The following ANK2 variants were observed in gnomAD, a reference collection of about 807,000 sequenced individuals.
The protein encoded by ANK2 is ankyrin-2.
In ANK2, 83 loss-of-function variants were observed where a neutral mutation model predicts 360.5. The ratio of observed to expected loss-of-function variants is 0.23; its 90% CI spans 0.19 to 0.28. The LOEUF is 0.28. Ranked by LOEUF, ANK2 falls within the 10% of genes least tolerant of loss-of-function variation. The probability of loss-of-function intolerance (pLI) is 1.00; values close to 1 mark genes in which losing one functional copy is unlikely to be tolerated. For missense variants in ANK2, 4,201 were observed against 4,795.7 expected (o/e 0.88, Z 3.66); for synonymous variants, 1,740 against 1,759.5 (o/e 0.99, Z 0.28).
chr4:113,246,082 C>T, intron 9 of ANK2, among the ~76,000 whole-genome samples: 1 of 152,196 alleles, frequency 6.6e-6, no homozygotes, highest in East Asian at 1.9e-4. Flanking sequence ...AGGCGTGAGC[C>T]ACCACACCCG....
At position 113,225,337 on chromosome 4, in the gene ANK2, A is replaced by AT. The variant is rs545311198; in HGVS notation, c.385-6816dup. Among the ~76,000 whole-genome samples the AT allele has an allele frequency of 3.9e-5, 6 of 151,924 alleles. No homozygotes were observed. In the South Asian group the frequency reaches 8.3e-4, roughly 21 times the overall value. On this transcript the variant is annotated intron_variant, in intron 4 of 45. Transcript: ENST00000357077. The stretch of plus-strand genomic sequence containing the variant: ...ATATAGATGTATTCTGTGAATTGTC[A>AT]TTTTTTTTACTCTTGAGAGCAGGAC...
chr4:113,196,124 A>G lies in ANK2; in HGVS notation c.187-244A>G, dbSNP rs2285711. 0.17 allele frequency among the ~76,000 whole-genome samples: 26,157 copies of G among 152,214 alleles called. 2,318 individuals carry two copies. Among genetic ancestry groups the G allele is most frequent in the East Asian group, 0.26 (1,352 of 5,186 alleles). On this transcript the variant is annotated intron_variant, in intron 2 of 45. Transcript: ENST00000357077. ...AATTTAGAGATTTCTTCGTTTAAAAAAACTGTTGAAATGAAGTTGCCAAAA... is the reference window on the plus strand; with the variant it reads ...AATTTAGAGATTTCTTCGTTTAAAAGAACTGTTGAAATGAAGTTGCCAAAA...
chr4:113,283,729 G>A (rs1356051119), intron 18 of ANK2, among the ~76,000 whole-genome samples: 2 of 152,120 alleles, frequency 1.3e-5, no homozygotes, highest in Non-Finnish European at 2.9e-5. Context: ...ATTGGAAACT[G>A]TATTTATTAA....
intron 43 of ANK2, chr4:113,372,526 C>G: frequency 2.0e-6 from 3 of 1,525,648 alleles, no homozygotes; most frequent in Non-Finnish European, 2.6e-6. Context: ...TTCCATGCTT[C>G]CACCAGGAGC....
In ANK2 at chr4:113,257,970, T is replaced by C. The variant is rs969040547; in HGVS notation, c.1189-80T>C. The C allele has an allele frequency of 4.0e-6, 5 of 1,263,552 alleles. No individual in the cohort carries two copies. The African/African-American group carries it at 5.9e-5, about 15-fold the overall frequency. 78.3% of individuals were successfully genotyped at this position (1,263,552 alleles called of 1,614,324 possible). A position where few individuals can be genotyped will look rare whatever the true frequency, so the allele number is the denominator to read the frequency against. ...AACATTATGTGACGATGTAACATTA[T>C]TGCCTGCAATGTGCCAGCATGGAGT... On this transcript the variant is annotated intron_variant, in intron 11 of 45. Transcript: ENST00000357077.
intron 7 of ANK2, among the ~76,000 whole-genome samples, chr4:113,239,757 C>G (rs908300541): frequency 1.3e-5 from 2 of 151,864 alleles, no homozygotes; most frequent in Non-Finnish European, 2.9e-5. Flanking sequence ...GTTGATTTAA[C>G]CTGGTTGGTT....
At chr4:113,365,976 G>A (rs1217728359) in intron 41 of ANK2, among the ~76,000 whole-genome samples, 3 of 152,044 alleles carry the variant, frequency 2.0e-5, no homozygotes, top group African/African-American at 7.2e-5. Context: ...TACTCAATCA[G>A]GGACTCCATT....
At chr4:112,898,545 G>A (rs980215473) in intron 1 of ANK2, among the ~76,000 whole-genome samples, 1 of 152,142 alleles carries the variant, frequency 6.6e-6, no homozygotes, top group Admixed American at 6.5e-5. Context: ...TGACAGTGCT[G>A]TTGATGTGAA....
chr4:112,964,384 C>T (rs2036259635), intron 2 of ANK2, among the ~76,000 whole-genome samples: 1 of 151,414 alleles, frequency 6.6e-6, no homozygotes, highest in Admixed American at 6.6e-5. Flanking sequence ...CCATGAGTTC[C>T]ACTGTTTTGA....
At chr4:113,299,854 A>C (rs2074041416) in intron 22 of ANK2, among the ~76,000 whole-genome samples, 1 of 152,076 alleles carries the variant, frequency 6.6e-6, no homozygotes, top group Non-Finnish European at 1.5e-5. Context: ...AAACCCACCT[A>C]AGGAACCTTT....
At chr4:113,316,138 T>A (rs537603298) in intron 24 of ANK2, among the ~76,000 whole-genome samples, 1 of 152,186 alleles carries the variant, frequency 6.6e-6, no homozygotes, top group Non-Finnish European at 1.5e-5. Flanking sequence ...CTAAAACTCT[T>A]GTTGATGAAA....
In ANK2 at chr4:113,353,128, C is replaced by T; in HGVS notation, c.4510C>T (p.Leu1504Phe). 1 of 1,614,080 alleles carries T rather than the reference C, an allele frequency of 6.2e-7. No individual in the cohort carries two copies. ...TCCTGTCCTAGCAAGTCCGGACTTG[C>T]TCTCTGAAGTTTCTGAGATGAAACA... is the stretch of plus-strand genomic sequence containing the variant. ...EVPVLASPDL[L>F]SEVSEMKQDL... The change falls in exon 38 of 46, where the codon CTC becomes TTC. Residue 1504 changes from leucine (L) to phenylalanine (F), a missense_variant. Physicochemically the swap from Leu to Phe is conservative, Grantham distance 22. Transcript: ENST00000357077.
chr4:113,270,711 A>T (rs879529998), intron 14 of ANK2, among the ~76,000 whole-genome samples: 2 of 152,126 alleles, frequency 1.3e-5, no homozygotes, highest in Admixed American at 1.3e-4. Flanking sequence ...CAATATGCAT[A>T]CAAATTACCT....
intron 26 of ANK2, among the ~76,000 whole-genome samples, chr4:113,323,318 T>G: frequency 6.6e-6 from 1 of 152,204 alleles, no homozygotes; most frequent in Non-Finnish European, 1.5e-5. Flanking sequence ...CTTTAAATTG[T>G]GCCTTTTCTT....
chr4:113,284,612 A>G (rs2063683001), intron 18 of ANK2, among the ~76,000 whole-genome samples: 2 of 152,284 alleles, frequency 1.3e-5, no homozygotes, highest in Admixed American at 1.3e-4. Context: ...TTAGTTGCAC[A>G]CTCAGCAATG....
At chr4:112,994,620 T>G (rs2047931697) in intron 2 of ANK2, among the ~76,000 whole-genome samples, 1 of 152,124 alleles carries the variant, frequency 6.6e-6, no homozygotes, top group South Asian at 2.1e-4. Flanking sequence ...TCAACTTCTA[T>G]TTTAGATTCA....
chr4:113,258,010 T>A (rs2153633115), intron 11 of ANK2, 40 bp from the exon 12 acceptor site: 1 of 1,544,708 alleles, frequency 6.5e-7, no homozygotes, highest in Non-Finnish European at 9.0e-7. Context: ...TGAGAATTGT[T>A]TCTGCATGTT....
At chr4:112,734,069 C>A in the ANK2 span, among the ~76,000 whole-genome samples, 1 of 152,194 alleles carries the variant, frequency 6.6e-6, no homozygotes, top group East Asian at 1.9e-4. Context: ...GCCAACACAT[C>A]CAGCTAACAG....
At chr4:112,981,687 T>G (rs1039784078) in intron 2 of ANK2, among the ~76,000 whole-genome samples, 2 of 152,206 alleles carry the variant, frequency 1.3e-5, no homozygotes, top group African/African-American at 4.8e-5. Flanking sequence ...GTCCTTTTGC[T>G]GATATACCTA....
Sources: gnomAD v4.1 joint callset for allele counts (sites outside exome capture counted in the v4.1 genomes callset) on GRCh38, gnomAD v4.1.1 for gene constraint, MANE v1.5 for transcripts, NCBI Gene and HGNC (gene_info 2026-07-23, HGNC 2026-07-21) for gene names.